CPQ: variants seen among roughly 807,000 people sequenced by gnomAD.
CPQ encodes Ser-Met dipeptidase.
CPQ carries 37 observed loss-of-function variants against 45.7 expected under a neutral mutation model. That is an observed-to-expected ratio of 0.81 (90% CI 0.62 to 1.07). The LOEUF (loss-of-function observed/expected upper bound fraction) is 1.07, where lower values mean the gene tolerates loss of function less well. CPQ is among the 50% of genes least tolerant of loss of function. CPQ has a pLI of 0.00. For synonymous variants in CPQ, 186 were observed against 205.8 expected, an observed-to-expected ratio of 0.90 and a Z score of 0.82; for missense variants, 537 against 572.9, an observed-to-expected ratio of 0.94 and a Z score of 0.64.
chr8:96,933,358 C>T (rs975298093), intron 4 of CPQ, among the ~76,000 whole-genome samples: 3 of 152,130 alleles, frequency 2.0e-5, no homozygotes, highest in African/African-American at 7.2e-5. Context: ...ACTGGATGCT[C>T]CCTCCTGTAG....
At chr8:96,970,241 A>G (rs1563542262) in intron 5 of CPQ, among the ~76,000 whole-genome samples, 2 of 152,200 alleles carry the variant, frequency 1.3e-5, no homozygotes, top group South Asian at 4.1e-4. Flanking sequence ...TCCTGAAACG[A>G]ATCTGGGACT....
At chr8:97,082,401 C>T (rs73268733) in intron 7 of CPQ, among the ~76,000 whole-genome samples, 2,709 of 152,246 alleles carry the variant, frequency 0.018, 69 homozygotes, top group African/African-American at 0.061. Context: ...TGGTCAAGAG[C>T]TGTAGTCATT....
At chr8:97,046,763 G>C (rs1392040626) in intron 6 of CPQ, among the ~76,000 whole-genome samples, 4 of 152,166 alleles carry the variant, frequency 2.6e-5, no homozygotes, top group African/African-American at 9.7e-5. Flanking sequence ...TGCCCTCACT[G>C]CCATAGCTGG....
At chr8:96,752,467 A>G (rs571251406) in intron 1 of CPQ, among the ~76,000 whole-genome samples, 1 of 152,234 alleles carries the variant, frequency 6.6e-6, no homozygotes, top group East Asian at 1.9e-4. Context: ...TGATTTTTGC[A>G]TATTGATTTT....
intron 4 of CPQ, among the ~76,000 whole-genome samples, chr8:96,959,028 A>G (rs1271262055): frequency 2.0e-5 from 3 of 152,176 alleles, no homozygotes; most frequent in African/African-American, 7.2e-5. Flanking sequence ...TCTGTAGACC[A>G]CCTAGTCAGA....
At chr8:96,762,470 G>C (rs1810416896) in intron 1 of CPQ, among the ~76,000 whole-genome samples, 1 of 152,112 alleles carries the variant, frequency 6.6e-6, no homozygotes, top group South Asian at 2.1e-4. Context: ...AAAGTTACTG[G>C]TTACTATTTT....
intron 2 of CPQ, among the ~76,000 whole-genome samples, chr8:96,796,665 G>C (rs985998918): frequency 8.5e-5 from 13 of 152,056 alleles, no homozygotes; most frequent in Non-Finnish European, 1.8e-4. Context: ...GTCATTATTC[G>C]AAGATTGGTG....
In CPQ at chr8:97,012,148, A is replaced by G. The variant is rs144953556; in HGVS notation, c.962-17255A>G. On this transcript the variant is annotated intron_variant, in intron 5 of 7. Transcript: ENST00000220763. ...CACCAAATGCCTTGGTTCCTGGACCAGGAATAGTTGGTGAATGGATGAATC... is the reference window on the plus strand; with the variant it reads ...CACCAAATGCCTTGGTTCCTGGACCGGGAATAGTTGGTGAATGGATGAATC... 3.3e-5 allele frequency among the ~76,000 whole-genome samples: 5 copies of G among 152,336 alleles called. No homozygotes were observed. In the East Asian group the frequency reaches 9.6e-4, roughly 29 times the overall value.
chr8:96,882,997 T>A (rs1252842772), intron 4 of CPQ, among the ~76,000 whole-genome samples: 1 of 152,218 alleles, frequency 6.6e-6, no homozygotes, highest in Non-Finnish European at 1.5e-5. Flanking sequence ...GTTTTTTAAA[T>A]TATTATTTCA....
At chr8:96,814,541 C>A (rs1252655244) in intron 2 of CPQ, among the ~76,000 whole-genome samples, 6 of 152,144 alleles carry the variant, frequency 3.9e-5, no homozygotes, top group Non-Finnish European at 7.4e-5. Flanking sequence ...ATGAAATATA[C>A]AATCTGTATC....
intron 5 of CPQ, among the ~76,000 whole-genome samples, chr8:96,994,963 T>G (rs1264265604): frequency 6.6e-6 from 1 of 151,986 alleles, no homozygotes; most frequent in Non-Finnish European, 1.5e-5. Flanking sequence ...TCGAATCTAG[T>G]GAATGATGGG....
chr8:96,975,879 C>T (rs1022895273), intron 5 of CPQ, among the ~76,000 whole-genome samples: 3 of 151,916 alleles, frequency 2.0e-5, no homozygotes, highest in Non-Finnish European at 4.4e-5. Context: ...AAACAGATAA[C>T]ATTATACTGA....
chr8:96,953,730 A>C (rs1257760102), intron 4 of CPQ, among the ~76,000 whole-genome samples: 1 of 152,162 alleles, frequency 6.6e-6, no homozygotes, highest in Non-Finnish European at 1.5e-5. Context: ...AAATCTTTAA[A>C]AACATTTTCC....
At chr8:96,746,796 A>G (rs1047874941) in intron 1 of CPQ, among the ~76,000 whole-genome samples, 7 of 152,200 alleles carry the variant, frequency 4.6e-5, no homozygotes, top group African/African-American at 1.7e-4. Flanking sequence ...TGTGGATAGG[A>G]AAGACCTCAT....
intron 5 of CPQ, among the ~76,000 whole-genome samples, chr8:97,017,558 C>CTGT (rs943549714): frequency 9.9e-5 from 15 of 152,162 alleles, no homozygotes; most frequent in African/African-American, 3.6e-4. Flanking sequence ...AGACTTGGTG[C>CTGT]TGTTGGGAGG....
intron 4 of CPQ, among the ~76,000 whole-genome samples, chr8:96,881,977 G>C (rs547757318): frequency 3.3e-4 from 50 of 152,316 alleles, no homozygotes; most frequent in African/African-American, 1.2e-3. Flanking sequence ...AGAAATTTCA[G>C]ACTTGTATTT....
chr8:96,690,383 A>AT (rs1394366463), intron 1 of CPQ, among the ~76,000 whole-genome samples: 1 of 152,130 alleles, frequency 6.6e-6, no homozygotes, highest in Middle Eastern at 3.4e-3. Context: ...TTTAATGAGT[A>AT]TTTTTTTTAA....
intron 5 of CPQ, among the ~76,000 whole-genome samples, chr8:96,976,923 C>T (rs1167447204): frequency 6.6e-6 from 1 of 152,094 alleles, no homozygotes; most frequent in Non-Finnish European, 1.5e-5. Context: ...AAAAAGTCTT[C>T]TAGACATTGG....
intron 4 of CPQ, among the ~76,000 whole-genome samples, chr8:96,951,463 A>G (rs999565466): frequency 2.0e-4 from 30 of 152,160 alleles, no homozygotes; most frequent in African/African-American, 6.8e-4. Flanking sequence ...CATTTTGGGA[A>G]GCTTCAGTTC....
Sources: allele counts gnomAD v4.1 joint callset (sites outside exome capture counted in the v4.1 genomes callset), GRCh38; gene constraint gnomAD v4.1.1; transcripts MANE v1.5; gene names NCBI Gene and HGNC (gene_info 2026-07-23, HGNC 2026-07-21).